Variants in ADARB2 observed in about 807,000 individuals in gnomAD.
The protein encoded by ADARB2 is inactive double-stranded RNA-specific editase B2.
Under a neutral mutation model 62.2 loss-of-function variants are expected in ADARB2, and 25 were observed. The ratio of observed to expected loss-of-function variants is 0.40; its 90% confidence interval spans 0.29 to 0.56. The LOEUF is 0.56. Among genes scored for constraint, ADARB2 ranks in the 20% least tolerant of loss-of-function variants. The probability of loss-of-function intolerance (pLI) is 0.43; values close to 1 mark genes in which losing one functional copy is unlikely to be tolerated. For missense variants in ADARB2, 1,071 were observed against 1,077.4 expected (o/e 0.99, Z 0.08); for synonymous variants, 572 against 500.8 (o/e 1.14, Z -1.90).
At chr10:1,418,626 G>T (rs1311744670) in intron 1 of ADARB2, among the ~76,000 whole-genome samples, 1 of 152,166 alleles carries the variant, frequency 6.6e-6, no homozygotes, top group East Asian at 1.9e-4. Flanking sequence ...AATTATTTCC[G>T]CTATTATCTT....
Position 1,462,938 on chromosome 10 carries a change from G to C in ADARB2, c.101-83778C>G, listed in dbSNP as rs1831197818. Among the ~76,000 whole-genome samples the C allele has an allele frequency of 2.3e-5, 3 of 130,292 alleles. No individual in the cohort carries two copies. In the South Asian group the frequency reaches 7.6e-4, roughly 33 times the overall value. The allele number at this position is 130,292 out of a possible 152,430, so 85.5% of individuals were successfully genotyped here. ...AAGGAGATAACTGATAAATAGAAAT[G>C]TTATTTAAAACAAGAAACAGCCTCA... On this transcript the variant is annotated intron_variant, in intron 1 of 9. Coordinates refer to ENST00000381312, the MANE Select transcript of ADARB2 (RefSeq NM_018702.4).
chr10:1,273,170 G>A (rs1194613718), intron 3 of ADARB2, among the ~76,000 whole-genome samples: 1 of 147,744 alleles, frequency 6.8e-6, no homozygotes. Flanking sequence ...TCACCGTCAT[G>A]GGGTTGGACG....
At chr10:1,655,406 A>G (rs907391640) in intron 1 of ADARB2, among the ~76,000 whole-genome samples, 5 of 152,238 alleles carry the variant, frequency 3.3e-5, no homozygotes, top group African/African-American at 1.2e-4. Flanking sequence ...CCATCCAGGC[A>G]TCTTTTCCGG....
intron 1 of ADARB2, chr10:1,394,840 C>A (rs1053236685): frequency 1.3e-5 from 6 of 457,060 alleles, no homozygotes; most frequent in Admixed American, 2.3e-5. Flanking sequence ...AGAGGGTCAC[C>A]CCATATACCA....
intron 1 of ADARB2, among the ~76,000 whole-genome samples, chr10:1,467,384 G>A (rs1018099364): frequency 6.6e-6 from 1 of 152,116 alleles, no homozygotes. Context: ...GCCACTGCAC[G>A]GCTTCATGCG....
At chr10:1,491,415 G>T (rs562421584) in intron 1 of ADARB2, among the ~76,000 whole-genome samples, 1 of 152,200 alleles carries the variant, frequency 6.6e-6, no homozygotes, top group South Asian at 2.1e-4. Context: ...TATTTAACTG[G>T]AGTTTTACAA....
intron 1 of ADARB2, among the ~76,000 whole-genome samples, chr10:1,640,351 G>C (rs1188006208): frequency 6.6e-6 from 1 of 152,194 alleles, no homozygotes; most frequent in South Asian, 2.1e-4. Context: ...TTCCTGTCCA[G>C]TATGAGAATC....
chr10:1,402,303 A>G (rs530142016), intron 1 of ADARB2, among the ~76,000 whole-genome samples: 1 of 152,200 alleles, frequency 6.6e-6, no homozygotes, highest in East Asian at 1.9e-4. Context: ...TCTAAAATCT[A>G]CTTCTGAGCG....
chr10:1,675,115 C>T lies in ADARB2; in HGVS notation c.100+61936G>A, dbSNP rs76789467. Reference sequence around the variant, plus strand: ...GTGGATGTTCTGGAGGTTTGGGTTGCGGGGTACATGGATGTTCTGGAGGTT... The same window carrying T: ...GTGGATGTTCTGGAGGTTTGGGTTGTGGGGTACATGGATGTTCTGGAGGTT... On this transcript the variant is annotated intron_variant, in intron 1 of 9. Coordinates refer to ENST00000381312, the MANE Select transcript of ADARB2 (RefSeq NM_018702.4). 1.4e-4 allele frequency: 129 copies of T among 907,244 alleles called. 4 individuals carry two copies. In the African/African-American group the frequency reaches 2.9e-3, roughly 20 times the overall value. 56.2% of individuals were successfully genotyped at this position (907,244 alleles called of 1,614,324 possible).
Position 1,398,734 on chromosome 10 carries a change from C to T in ADARB2, c.101-19574G>A, listed in dbSNP as rs546302811. 6.6e-6 allele frequency among the ~76,000 whole-genome samples: 1 copy of T among 152,196 alleles called. No individual in the cohort carries two copies. The highest frequency in any genetic ancestry group is 2.1e-4 in the South Asian group (1 of 4,810). On this transcript the variant is annotated intron_variant, in intron 1 of 9. Coordinates refer to ENST00000381312, the MANE Select transcript of ADARB2 (RefSeq NM_018702.4). This position sits in a 1 kb window ranked among gnomAD's most constrained non-coding sequence, Gnocchi z 4.1. ...GAGAAGAGACTTTCGTGCCTCTGAC[C>T]CTCAAATTACCCAGCTCTCGGCTCT...
rs545701586 is a variant in ADARB2, at chr10:1,246,051, C to G, written c.1193-3752G>C. ...CATTCTAACTGGTGTGAGATGGTAT[C>G]TCATTGTGGTTTTGATTTGCATTTT... On this transcript the variant is annotated intron_variant, in intron 4 of 9. Coordinates refer to ENST00000381312, the MANE Select transcript of ADARB2 (RefSeq NM_018702.4). Among the ~76,000 whole-genome samples the G allele has an allele frequency of 2.0e-3, 300 of 151,746 alleles. 2 individuals carry two copies. The highest frequency in any genetic ancestry group is 6.9e-3 in the African/African-American group (287 of 41,352).
chr10:1,270,550 G>A (rs1480401175), intron 4 of ADARB2, among the ~76,000 whole-genome samples: 1 of 151,946 alleles, frequency 6.6e-6, no homozygotes, highest in Admixed American at 6.6e-5. Context: ...CATGCCCCTC[G>A]CGGCTGGGTC....
At chr10:1,607,131 G>T (rs1368602375) in intron 1 of ADARB2, among the ~76,000 whole-genome samples, 2 of 152,126 alleles carry the variant, frequency 1.3e-5, no homozygotes, top group African/African-American at 4.8e-5. Flanking sequence ...TTTCAGTTAG[G>T]CCTTTTAACT....
intron 1 of ADARB2, among the ~76,000 whole-genome samples, chr10:1,613,998 G>A (rs1011970925): frequency 1.3e-5 from 2 of 152,210 alleles, no homozygotes; most frequent in Non-Finnish European, 2.9e-5. Context: ...CTTGGTTAGT[G>A]TGATAGAGTG....
At chr10:1,718,798 G>A (rs7918362) in intron 1 of ADARB2, among the ~76,000 whole-genome samples, 67,477 of 152,038 alleles carry the variant, frequency 0.44, 16,517 homozygotes, top group African/African-American at 0.66. Flanking sequence ...CAGCTCCCAG[G>A]CAGGTTCTTG....
chr10:1,544,280 G>C (rs115954795), intron 1 of ADARB2, among the ~76,000 whole-genome samples: 2,403 of 152,322 alleles, frequency 0.016, 65 homozygotes, highest in African/African-American at 0.055. Context: ...GCTGGTGAGT[G>C]GCCACAGCCC....
At chr10:1,288,224 A>AAAAG (rs769181988) in intron 3 of ADARB2, among the ~76,000 whole-genome samples, 36 of 152,324 alleles carry the variant, frequency 2.4e-4, no homozygotes, top group Admixed American at 3.9e-4. Flanking sequence ...TCCCTCGGGG[A>AAAAG]AAAGAATCAA....
chr10:1,717,847 G>A (rs574014877), intron 1 of ADARB2, among the ~76,000 whole-genome samples: 7 of 152,228 alleles, frequency 4.6e-5, no homozygotes, highest in Admixed American at 2.0e-4. Context: ...CAAAGTGCTG[G>A]GATTATAGGT....
intron 3 of ADARB2, among the ~76,000 whole-genome samples, chr10:1,286,804 A>G (rs1831417858): frequency 6.6e-6 from 1 of 152,202 alleles, no homozygotes; most frequent in Non-Finnish European, 1.5e-5. Flanking sequence ...TGCTGGTGTC[A>G]TAGGGGTGTT....
Sources: gnomAD v4.1 joint callset for allele counts (sites outside exome capture counted in the v4.1 genomes callset) on GRCh38, gnomAD v4.1.1 for gene constraint, Gnocchi (gnomAD v3.1) non-coding constraint, MANE v1.5 for transcripts, NCBI Gene and HGNC (gene_info 2026-07-23, HGNC 2026-07-21) for gene names.